The following CACNA2D1 variants were observed in gnomAD, a reference collection of about 807,000 sequenced individuals.
CACNA2D1 encodes calcium voltage-gated channel auxiliary subunit alpha2delta 1.
A neutral mutation model predicts 171.5 loss-of-function variants in CACNA2D1; 53 were observed. That is an observed-to-expected ratio of 0.31 (90% CI 0.25 to 0.39). The LOEUF is 0.39. Among genes scored for constraint, CACNA2D1 ranks in the 10% least tolerant of loss-of-function variants. CACNA2D1 has a pLI of 1.00. For synonymous variants in CACNA2D1, 442 were observed against 443.1 expected (o/e 1.00, Z 0.03); for missense variants, 903 against 1,299.8 (o/e 0.69, Z 4.69).
intron 7 of CACNA2D1, among the ~76,000 whole-genome samples, chr7:82,071,374 T>G (rs949930803): frequency 2.0e-5 from 3 of 152,176 alleles, no homozygotes; most frequent in Non-Finnish European, 4.4e-5. Context: ...CAGTGATTGT[T>G]CTGTATTTCT....
chr7:82,039,227 G>A (rs1301624682), intron 10 of CACNA2D1, among the ~76,000 whole-genome samples: 1 of 151,626 alleles, frequency 6.6e-6, no homozygotes, highest in East Asian at 1.9e-4. Context: ...TGGGTCATAA[G>A]TTATTACATA....
intron 24 of CACNA2D1, among the ~76,000 whole-genome samples, chr7:81,976,798 G>C (rs139360945): frequency 6.6e-6 from 1 of 152,166 alleles, no homozygotes; most frequent in Non-Finnish European, 1.5e-5. Context: ...AGGTTGCAGC[G>C]AGCAGAGATC....
chr7:82,169,921 A>C (rs1260271553), intron 4 of CACNA2D1, among the ~76,000 whole-genome samples: 3 of 151,768 alleles, frequency 2.0e-5, no homozygotes, highest in Non-Finnish European at 4.4e-5. Context: ...AGACCTTACC[A>C]CAAGGAGAAT....
intron 1 of CACNA2D1, among the ~76,000 whole-genome samples, chr7:82,368,975 T>C (rs2299179): frequency 0.62 from 93,722 of 151,906 alleles, 29,626 homozygotes; most frequent in Middle Eastern, 0.72. Flanking sequence ...TTACTAATCA[T>C]ATACTTTCCA....
At chr7:82,430,400 A>G (rs916394324) in intron 1 of CACNA2D1, among the ~76,000 whole-genome samples, 1 of 137,976 alleles carries the variant, frequency 7.2e-6, no homozygotes, top group Non-Finnish European at 1.5e-5. Context: ...CCTGGGTGAT[A>G]GAGACAGACT....
chr7:82,004,910 C>T (rs1160659621), intron 18 of CACNA2D1, among the ~76,000 whole-genome samples: 1 of 152,062 alleles, frequency 6.6e-6, no homozygotes, highest in African/African-American at 2.4e-5. Flanking sequence ...ATAAATACTT[C>T]CCATTTCTGA....
intron 12 of CACNA2D1, among the ~76,000 whole-genome samples, chr7:82,027,184 G>A (rs1196714582): frequency 6.6e-6 from 1 of 151,594 alleles, no homozygotes. Flanking sequence ...TAAAAATAAT[G>A]AAAATGTATA....
intron 3 of CACNA2D1, among the ~76,000 whole-genome samples, chr7:82,288,119 C>G (rs545533261): frequency 1.2e-3 from 177 of 151,936 alleles, no homozygotes; most frequent in African/African-American, 4.0e-3. Flanking sequence ...GGATTACAGG[C>G]GTGAGCCACC....
At chr7:82,240,247 A>G (rs996511206) in intron 3 of CACNA2D1, among the ~76,000 whole-genome samples, 5 of 152,172 alleles carry the variant, frequency 3.3e-5, no homozygotes, top group African/African-American at 1.2e-4. Context: ...CTCAGTAAAA[A>G]TAACACTACT....
At chr7:82,327,352 C>G (rs186270479) in intron 3 of CACNA2D1, among the ~76,000 whole-genome samples, 4 of 152,250 alleles carry the variant, frequency 2.6e-5, no homozygotes, top group Non-Finnish European at 5.9e-5. Context: ...AGTTGCCTAC[C>G]TACGTATATC....
intron 3 of CACNA2D1, among the ~76,000 whole-genome samples, chr7:82,214,988 G>A (rs1800950903): frequency 6.6e-6 from 1 of 152,096 alleles, no homozygotes; most frequent in Non-Finnish European, 1.5e-5. Flanking sequence ...AAAGCATTTA[G>A]CCATATGTTG....
intron 6 of CACNA2D1, among the ~76,000 whole-genome samples, chr7:82,092,540 C>CTTTTTTTTTT (rs71093360): frequency 1.7e-3 from 178 of 102,650 alleles, no homozygotes; most frequent in African/African-American, 3.5e-3. Flanking sequence ...GCCCAGCTAA[C>CTTTTTTTTTT]TTTTTTTTTT....
chr7:82,126,140 C>G (rs2097915), intron 5 of CACNA2D1, among the ~76,000 whole-genome samples: 35,446 of 152,040 alleles, frequency 0.23, 4,940 homozygotes, highest in African/African-American at 0.39. Context: ...GACCAAATAA[C>G]TAAAAAGCAG....
intron 3 of CACNA2D1, among the ~76,000 whole-genome samples, chr7:82,304,011 C>T (rs1433061733): frequency 1.3e-5 from 2 of 151,850 alleles, no homozygotes; most frequent in Non-Finnish European, 2.9e-5. Flanking sequence ...AACAATTCAA[C>T]AGTTAAAAAA....
rs539975998 is a variant in CACNA2D1, at chr7:82,170,728, TTTATGATTC to T, written c.295-128_295-120del. On this transcript the variant is annotated intron_variant, in intron 3 of 38. Transcript: ENST00000356860. ...CATAAAAAGCAGAAGATGATCCTTA[TTTATGATTC>T]ATAAATTCTAAATCATTTAGTAATC... 1.0e-3 allele frequency: 896 copies of T among 869,548 alleles called. 12 individuals are homozygous for T. The highest frequency in any genetic ancestry group is 1.4e-4 in the Non-Finnish European group (71 of 517,886). The allele number at this position is 869,548 out of a possible 1,614,324, so 53.9% of individuals were successfully genotyped here.
At chr7:82,285,384 C>T (rs1364782578) in intron 3 of CACNA2D1, among the ~76,000 whole-genome samples, 1 of 152,182 alleles carries the variant, frequency 6.6e-6, no homozygotes, top group Non-Finnish European at 1.5e-5. Context: ...GCCAAGGTAC[C>T]TTTCCCAGAC....
At chr7:82,182,572 T>G (rs909074269) in intron 3 of CACNA2D1, among the ~76,000 whole-genome samples, 1 of 151,870 alleles carries the variant, frequency 6.6e-6, no homozygotes, top group African/African-American at 2.4e-5. Context: ...GTTTTTTTTT[T>G]AATTTTAAGA....
intron 1 of CACNA2D1, among the ~76,000 whole-genome samples, chr7:82,394,450 T>C (rs1289821245): frequency 1.3e-5 from 2 of 152,056 alleles, no homozygotes; most frequent in African/African-American, 2.4e-5. Context: ...AAATCTATCA[T>C]CATAGATGAT....
At chr7:82,387,823 G>C (rs1309801550) in intron 1 of CACNA2D1, among the ~76,000 whole-genome samples, 1 of 152,108 alleles carries the variant, frequency 6.6e-6, no homozygotes, top group Non-Finnish European at 1.5e-5. Flanking sequence ...GCTCATGCTT[G>C]TAATCCCAGC....
Sources: allele counts gnomAD v4.1 joint callset (sites outside exome capture counted in the v4.1 genomes callset), GRCh38; gene constraint gnomAD v4.1.1; transcripts MANE v1.5; gene names NCBI Gene and HGNC (gene_info 2026-07-23, HGNC 2026-07-21).